The following SLC28A3 variants were observed in gnomAD, a reference collection of about 807,000 sequenced individuals.
SLC28A3 encodes concentrative Na(+)-nucleoside cotransporter 3.
SLC28A3 carries 68 observed loss-of-function variants against 84.2 expected under a neutral mutation model. The ratio of observed to expected loss-of-function variants is 0.81; its 90% CI spans 0.66 to 0.99. SLC28A3 has a LOEUF of 0.99. SLC28A3 is among the 50% of genes least tolerant of loss of function. The pLI is 0.00. For missense variants in SLC28A3, 712 were observed against 841.5 expected (o/e 0.85, Z 1.90); for synonymous variants, 267 against 303.6 (o/e 0.88, Z 1.25).
At chr9:84,352,322 T>G in the SLC28A3 span, among the ~76,000 whole-genome samples, 1 of 152,048 alleles carries the variant, frequency 6.6e-6, no homozygotes, top group East Asian at 2.0e-4. Flanking sequence ...TAGTTGGGAT[T>G]ACAGGCACCC....
chr9:84,362,527 G>A, the SLC28A3 span, among the ~76,000 whole-genome samples: 20 of 152,184 alleles, frequency 1.3e-4, no homozygotes, highest in Non-Finnish European at 1.9e-4. Context: ...AGCTACTTGG[G>A]AGGCTGAGGC....
intron 5 of SLC28A3, 56 bp downstream of exon 5, chr9:84,302,144 T>G (rs1202958131): frequency 7.8e-6 from 12 of 1,544,520 alleles, no homozygotes; most frequent in Non-Finnish European, 9.7e-6. Context: ...TTTGAAACGG[T>G]GTTGGAAAGG....
Position 84,313,381 on chromosome 9 carries a change from C to T in SLC28A3, c.134G>A (p.Arg45Lys). Residue 45 changes from arginine (R) to lysine (K), a missense_variant, in exon 2 of 18, where the codon AGG becomes AAG. By Grantham distance (26) the Arg-to-Lys change is conservative. Coordinates refer to ENST00000376238, the MANE Select transcript of SLC28A3 (RefSeq NM_001199633.2). ...NSIRSRAVQS[R>K]EHTNTKQDEE... ...TACCTGTTTGGTGTTTGTGTGCTCC[C>T]TGCTTTGCACAGCTCTGCTTCTTAT... The T allele has an allele frequency of 1.2e-6, 2 of 1,614,132 alleles. No homozygotes were observed. Among genetic ancestry groups the T allele is most frequent in the East Asian group, 2.2e-5 (1 of 44,886 alleles).
chr9:84,326,081 A>T (rs1445919479), intron 1 of SLC28A3, among the ~76,000 whole-genome samples: 1 of 152,172 alleles, frequency 6.6e-6, no homozygotes, highest in Admixed American at 6.6e-5. Context: ...ATGTATCTGC[A>T]ATCATAAGAG....
chr9:84,332,449 C>T (rs1245634550), intron 1 of SLC28A3, among the ~76,000 whole-genome samples: 2 of 152,098 alleles, frequency 1.3e-5, no homozygotes, highest in South Asian at 2.1e-4. Context: ...GGGTAGGGGA[C>T]TGGTAGGATG....
chr9:84,327,774 C>T lies in SLC28A3; in HGVS notation c.60+12800G>A, dbSNP rs149719560. Among the ~76,000 whole-genome samples the T allele has an allele frequency of 2.6e-5, 4 of 151,828 alleles. No homozygotes were observed. In the East Asian group the frequency reaches 5.8e-4, roughly 22 times the overall value. ...CTCTACAAAAAATACAAAAATTAGC[C>T]GAGCATGGTGGCTTGCACCTGTAAT... is the stretch of plus-strand genomic sequence containing the variant. On this transcript the variant is annotated intron_variant, in intron 1 of 17. Coordinates refer to ENST00000376238, the MANE Select transcript of SLC28A3 (RefSeq NM_001199633.2).
At chr9:84,302,104 A>G (rs1256352513) in intron 5 of SLC28A3, 96 bp downstream of exon 5, 20 of 1,204,150 alleles carry the variant, frequency 1.7e-5, no homozygotes, top group Non-Finnish European at 2.2e-5. Flanking sequence ...TCCATATCCC[A>G]TAAATGAGGA....
chr9:84,289,994 C>T (rs1825147393), intron 11 of SLC28A3, 160 bp downstream of exon 11: 2 of 798,066 alleles, frequency 2.5e-6, no homozygotes, highest in South Asian at 2.3e-5. Flanking sequence ...CCTTGGGATC[C>T]CTATGTTCAA....
intron 1 of SLC28A3, among the ~76,000 whole-genome samples, chr9:84,337,539 G>C (rs1026029908): frequency 6.6e-5 from 10 of 151,998 alleles, no homozygotes; most frequent in Admixed American, 6.6e-4. Context: ...TGAACTGATG[G>C]GAACATCTTG....
chr9:84,298,489 GA>G (rs780850277), intron 6 of SLC28A3, among the ~76,000 whole-genome samples: 1 of 151,544 alleles, frequency 6.6e-6, no homozygotes, highest in Admixed American at 6.6e-5. Context: ...TCCATCTCAA[GA>G]AAAAAACAAA....
Position 84,308,490 on chromosome 9 carries a change from G to A in SLC28A3, c.242+1139C>T, listed in dbSNP as rs1825877038. ...GAACCCGGGAGATGGAGGTTTCAGT[G>A]AGCTGAGATTGTGCCACTGCACTCC... On this transcript the variant is annotated intron_variant, in intron 3 of 17. Coordinates refer to ENST00000376238, the MANE Select transcript of SLC28A3 (RefSeq NM_001199633.2). 2.6e-5 allele frequency among the ~76,000 whole-genome samples: 4 copies of A among 151,928 alleles called. No individual in the cohort carries two copies. The South Asian group carries it at 8.4e-4, about 32-fold the overall frequency.
In SLC28A3 at chr9:84,309,623, C is replaced by G. The variant is rs11568413; in HGVS notation, c.242+6G>C. ...CTTGGTTATTTCCCTGTTTTAAAGA[C>G]TGTACCCTTTTTGTTGCATCTCCTC... On this transcript the variant is annotated splice_donor_region_variant and intron_variant, in intron 3 of 17. Coordinates refer to ENST00000376238, the MANE Select transcript of SLC28A3 (RefSeq NM_001199633.2). 284 of 1,582,682 alleles carry G rather than the reference C, an allele frequency of 1.8e-4. 7 individuals are homozygous for G. In the East Asian group the frequency reaches 6.5e-3, roughly 36 times the overall value.
the SLC28A3 span, among the ~76,000 whole-genome samples, chr9:84,354,735 T>C: frequency 6.6e-5 from 10 of 151,818 alleles, no homozygotes; most frequent in Non-Finnish European, 1.5e-4. Context: ...TAATCCCAGC[T>C]ACTCGAAAGG....
upstream of SLC28A3, among the ~76,000 whole-genome samples, chr9:84,343,250 T>C (rs970238367): frequency 3.3e-5 from 5 of 152,116 alleles, no homozygotes; most frequent in South Asian, 2.1e-4. Context: ...GGTTGAGTGG[T>C]GACTGAAGTC....
At chr9:84,319,570 A>T (rs1055148296) in intron 1 of SLC28A3, among the ~76,000 whole-genome samples, 3 of 152,168 alleles carry the variant, frequency 2.0e-5, no homozygotes, top group African/African-American at 7.2e-5. Context: ...CCACTCCAAG[A>T]TACCATTACC....
chr9:84,362,735 C>T, the SLC28A3 span, among the ~76,000 whole-genome samples: 17 of 151,982 alleles, frequency 1.1e-4, no homozygotes, highest in South Asian at 4.1e-4. Flanking sequence ...TTTTAAATGC[C>T]ATGGACCGCT....
At chr9:84,346,977 C>A in the SLC28A3 span, among the ~76,000 whole-genome samples, 1 of 152,028 alleles carries the variant, frequency 6.6e-6, no homozygotes, top group East Asian at 1.9e-4. Flanking sequence ...GAGTTCAAGA[C>A]CAGCCTGGCC....
At chr9:84,343,793 A>C (rs1827207787), upstream of SLC28A3, among the ~76,000 whole-genome samples, 1 of 152,244 alleles carries the variant, frequency 6.6e-6, no homozygotes, top group Admixed American at 6.5e-5. Context: ...CAAATACCAC[A>C]CGGCTCAAAG....
At chr9:84,287,989 C>T in intron 12 of SLC28A3, 59 bp downstream of exon 12, 1 of 1,608,488 alleles carries the variant, frequency 6.2e-7, no homozygotes, top group Non-Finnish European at 8.5e-7. Context: ...TACATTGACT[C>T]CTGGAGTCCC....
Sources: allele counts gnomAD v4.1 joint callset (sites outside exome capture counted in the v4.1 genomes callset), GRCh38; gene constraint gnomAD v4.1.1; transcripts MANE v1.5; gene names NCBI Gene and HGNC (gene_info 2026-07-23, HGNC 2026-07-21).